Variants in CACNA1E observed in about 807,000 individuals in gnomAD.
CACNA1E encodes calcium voltage-gated channel subunit alpha1 E.
Under a neutral mutation model 259.2 loss-of-function variants are expected in CACNA1E, and 40 were observed. The observed-to-expected ratio is 0.15, with a 90% CI of 0.12 to 0.20. The LOEUF (loss-of-function observed/expected upper bound fraction) is 0.20. CACNA1E is among the 10% of genes least tolerant of loss of function. The probability of loss-of-function intolerance (pLI) is 1.00; values close to 1 mark genes in which losing one functional copy is unlikely to be tolerated. For synonymous variants in CACNA1E, 1,104 were observed against 1,138.5 expected, an observed-to-expected ratio of 0.97 and a Z score of 0.61; for missense variants, 1,874 against 3,040.1, an observed-to-expected ratio of 0.62 and a Z score of 9.02.
intron 6 of CACNA1E, among the ~76,000 whole-genome samples, chr1:181,599,225 C>T (rs993850133): frequency 2.6e-5 from 4 of 152,040 alleles, no homozygotes; most frequent in African/African-American, 9.7e-5. Context: ...ATTTGGTTTT[C>T]CGTTCTTGTG....
At position 181,757,021 on chromosome 1, in the gene CACNA1E, G is replaced by C. The variant is rs1658146479; in HGVS notation, c.4224G>C (p.Val1408=). ...CTATCTTTTATGTAGTCTACTTTGT[G>C]GTCTTCCCCTTCTTCTTTGTCAATA... The part of the protein sequence containing the change: ...EMSIFYVVYF[V]VFPFFFVNIF... Residue 1408 remains valine, a synonymous_variant, in exon 30 of 48, where the codon GTG becomes GTC. Coordinates refer to ENST00000367573, the MANE Select transcript of CACNA1E (RefSeq NM_001205293.3). 6.2e-7 allele frequency: 1 copy of C among 1,613,412 alleles called. No homozygotes were observed. The highest frequency in any genetic ancestry group is 1.7e-5 in the Admixed American group (1 of 59,996).
At chr1:181,705,079 C>T (rs2102397198) in intron 7 of CACNA1E, among the ~76,000 whole-genome samples, 1 of 152,342 alleles carries the variant, frequency 6.6e-6, no homozygotes, top group Admixed American at 6.5e-5. Flanking sequence ...CTAGTATCAG[C>T]CTATGGGCTA....
intron 25 of CACNA1E, among the ~76,000 whole-genome samples, chr1:181,749,664 G>T (rs1443965084): frequency 6.6e-6 from 1 of 152,100 alleles, no homozygotes; most frequent in Non-Finnish European, 1.5e-5. Context: ...ACAGAGTCTG[G>T]CCCAGAATAA....
intron 2 of CACNA1E, among the ~76,000 whole-genome samples, chr1:181,469,056 A>T (rs568590738): frequency 6.6e-5 from 10 of 151,116 alleles, no homozygotes; most frequent in Middle Eastern, 3.4e-3. Flanking sequence ...ATTTATTAAA[A>T]TTTTTTTTTT....
chr1:181,546,957 C>T (rs1572167902), intron 3 of CACNA1E, among the ~76,000 whole-genome samples: 1 of 152,148 alleles, frequency 6.6e-6, no homozygotes, highest in Non-Finnish European at 1.5e-5. Flanking sequence ...CCTTTGATGT[C>T]GTCCTCCTGG....
rs937486069 is a variant in CACNA1E at position 181,325,898 on chromosome 1, G to T, written c.-15+7775G>T. Among the ~76,000 whole-genome samples the T allele has an allele frequency of 2.0e-5, 3 of 152,240 alleles. No individual in the cohort carries two copies. In the East Asian group the frequency reaches 5.8e-4, roughly 29 times the overall value. On this transcript the variant is annotated intron_variant, in intron 1 of 11. Coordinates refer to the CACNA1E transcript ENST00000524607. ...GGCGCTCCCCTCCCAGGCCGCAGGG[G>T]ACAGACAGGGATTGGGTTCTGTGTG...
At chr1:181,466,366 A>T (rs888599055) in intron 2 of CACNA1E, among the ~76,000 whole-genome samples, 2 of 148,930 alleles carry the variant, frequency 1.3e-5, no homozygotes, top group Non-Finnish European at 3.0e-5. Context: ...AACATGGCAA[A>T]ACCATATTTC....
chr1:181,540,975 T>C (rs1444251236), intron 3 of CACNA1E, among the ~76,000 whole-genome samples: 1 of 152,190 alleles, frequency 6.6e-6, no homozygotes, highest in Admixed American at 6.5e-5. Context: ...CATTTCAGAT[T>C]TTGGAGTTTT....
chr1:181,779,997 A>G (rs1237232622), intron 38 of CACNA1E, among the ~76,000 whole-genome samples: 1 of 152,182 alleles, frequency 6.6e-6, no homozygotes, highest in Non-Finnish European at 1.5e-5. Flanking sequence ...TCATCGTCCC[A>G]TATGTAATGT....
intron 37 of CACNA1E, 54 bp downstream of exon 37, chr1:181,772,285 AACCCTCTGATACATAG>A: frequency 1.9e-6 from 3 of 1,550,442 alleles, no homozygotes; most frequent in Non-Finnish European, 2.6e-6. Context: ...TCCTACCCCT[AACCCTCTGATACATAG>A]ACCGGAGATG....
chr1:181,408,630 G>T (rs1028542356), intron 1 of CACNA1E, among the ~76,000 whole-genome samples: 1 of 151,988 alleles, frequency 6.6e-6, no homozygotes, highest in Non-Finnish European at 1.5e-5. Flanking sequence ...TGACAGGGAA[G>T]GGAAGGGTTT....
chr1:181,434,711 G>A (rs1238133050), intron 2 of CACNA1E, among the ~76,000 whole-genome samples: 4 of 152,194 alleles, frequency 2.6e-5, no homozygotes, highest in South Asian at 2.1e-4. Context: ...AGCAGGGAGC[G>A]CAGGGGGTTT....
chr1:181,758,085 T>C lies in CACNA1E; in HGVS notation c.4468T>C (p.Leu1490=). 6.2e-7 allele frequency: 1 copy of C among 1,613,882 alleles called. No individual in the cohort carries two copies. The highest frequency in any genetic ancestry group is 2.2e-5 in the East Asian group (1 of 44,870). Residue 1490 remains leucine (L), a synonymous_variant, in exon 31 of 48, where the codon TTG becomes CTG. Transcript: ENST00000367573. The surrounding 1 kb of genome is among the most constrained non-coding windows in gnomAD (Gnocchi z 4.2). ...FEYTIMAMIA[L]NTVVLMMKYY... ...GTACACCATTATGGCCATGATCGCC[T>C]TGAATACTGTTGTGCTGATGATGAA... is the stretch of plus-strand genomic sequence containing the variant.
intron 6 of CACNA1E, among the ~76,000 whole-genome samples, chr1:181,631,834 A>C (rs1255165881): frequency 1.3e-5 from 2 of 152,222 alleles, no homozygotes; most frequent in Non-Finnish European, 2.9e-5. Context: ...TTGCATTGAC[A>C]GATCCTTTGT....
chr1:181,590,634 C>T (rs748445424), intron 6 of CACNA1E, among the ~76,000 whole-genome samples: 5 of 152,152 alleles, frequency 3.3e-5, no homozygotes, highest in East Asian at 1.9e-4. Context: ...TGACCCAAGG[C>T]GGGGCCCTTC....
rs574676709 is a variant in CACNA1E, at chr1:181,776,968, A to G, written c.5267+740A>G. On this transcript the variant is annotated intron_variant, in intron 38 of 47. Coordinates refer to ENST00000367573, the MANE Select transcript of CACNA1E (RefSeq NM_001205293.3). The surrounding 1 kb of genome is among the most constrained non-coding windows in gnomAD (Gnocchi z 4.4). ...TTACGTATTGTCTCTGGCTGCTTAC[A>G]TACTACAAGGAAGAGGTGAGTGATT... Among the ~76,000 whole-genome samples, 6 of 152,244 alleles carry G rather than the reference A, an allele frequency of 3.9e-5. No homozygotes were observed. The highest frequency in any genetic ancestry group is 8.8e-5 in the Non-Finnish European group (6 of 68,042).
At chr1:181,785,687 CCTT>C (rs760599481) in intron 42 of CACNA1E, 23 bp from the exon 43 acceptor site, 9 of 1,458,638 alleles carry the variant, frequency 6.2e-6, no homozygotes, top group Non-Finnish European at 7.7e-6. Flanking sequence ...GGAATTCTTT[CCTT>C]CTTCTTCCCT....
chr1:181,481,887 T>C (rs1287586659), upstream of CACNA1E, among the ~76,000 whole-genome samples: 2 of 152,142 alleles, frequency 1.3e-5, no homozygotes, highest in Non-Finnish European at 2.9e-5. Context: ...TGGAGCTTAT[T>C]TGGGAGTAAA....
intron 7 of CACNA1E, among the ~76,000 whole-genome samples, chr1:181,688,433 A>G (rs1650802503): frequency 6.6e-6 from 1 of 152,200 alleles, no homozygotes; most frequent in Non-Finnish European, 1.5e-5. Context: ...TGACATTGCT[A>G]TGAAGATTCT....
Sources: gnomAD v4.1 joint callset for allele counts (sites outside exome capture counted in the v4.1 genomes callset) on GRCh38, gnomAD v4.1.1 for gene constraint, Gnocchi (gnomAD v3.1) non-coding constraint, MANE v1.5 for transcripts, NCBI Gene and HGNC (gene_info 2026-07-23, HGNC 2026-07-21) for gene names.